The following GLRX3 variants were observed in gnomAD, a reference collection of about 807,000 sequenced individuals.
GLRX3 encodes glutaredoxin 3.
A neutral mutation model predicts 49.5 loss-of-function variants in GLRX3; 22 were observed. That is an observed-to-expected ratio of 0.44 (90% confidence interval 0.32 to 0.63). GLRX3 has a LOEUF of 0.63. Ranked by LOEUF, GLRX3 falls within the 30% of genes least tolerant of loss-of-function variation. GLRX3 has a pLI of 0.05. For synonymous variants in GLRX3, 133 were observed against 140.0 expected (o/e 0.95, Z 0.35); for missense variants, 385 against 396.3 (o/e 0.97, Z 0.24).
intron 6 of GLRX3, 135 bp downstream of exon 6, chr10:130,167,115 A>G: frequency 1.9e-6 from 1 of 514,434 alleles, no homozygotes; most frequent in Non-Finnish European, 3.4e-6. Context: ...TTGTTTAGTC[A>G]CATTAGCCAT....
At chr10:130,146,958 T>G (rs975930427) in intron 2 of GLRX3, among the ~76,000 whole-genome samples, 2 of 152,236 alleles carry the variant, frequency 1.3e-5, no homozygotes, top group Non-Finnish European at 2.9e-5. Flanking sequence ...TGTAGAAAGA[T>G]GTCCGTTGAG....
In GLRX3 at chr10:130,141,956, G is replaced by T. The variant is rs180703711; in HGVS notation, c.93-3255G>T. The stretch of plus-strand genomic sequence containing the variant: ...TTCAGTTCCAGGGCCCCAGACAACT[G>T]CAAGGAAGACTGAAAAATGTAATCT... On this transcript the variant is annotated intron_variant, in intron 1 of 10. Transcript: ENST00000331244. 1.8e-3 allele frequency among the ~76,000 whole-genome samples: 270 copies of T among 152,288 alleles called. 1 individual carries two copies. Among genetic ancestry groups the T allele is most frequent in the Admixed American group, 5.8e-3 (88 of 15,300 alleles).
At chr10:130,179,313 ATAT>A (rs757654750) in intron 10 of GLRX3, 26 bp from the exon 11 acceptor site, 34 of 1,032,668 alleles carry the variant, frequency 3.3e-5, no homozygotes, top group African/African-American at 2.4e-4. Context: ...ATGCATATAC[ATAT>A]TATTATTGTT....
chr10:130,173,064 G>A (rs1484838903), intron 8 of GLRX3, among the ~76,000 whole-genome samples: 1 of 152,218 alleles, frequency 6.6e-6, no homozygotes, highest in Non-Finnish European at 1.5e-5. Flanking sequence ...GGGCCATACA[G>A]TGGGGGCTGG....
At chr10:130,178,795 C>T (rs372723187) in intron 10 of GLRX3, among the ~76,000 whole-genome samples, 5 of 152,270 alleles carry the variant, frequency 3.3e-5, no homozygotes, top group Admixed American at 1.3e-4. Context: ...CTCCACCTCC[C>T]GGGTTCAGGA....
rs532690647 is a variant in GLRX3, at chr10:130,176,362, C to T, written c.957+1273C>T. On this transcript the variant is annotated intron_variant, in intron 10 of 10. Coordinates refer to ENST00000331244, the MANE Select transcript of GLRX3 (RefSeq NM_006541.5). ...CTTGAACTGCTGACCCCAGGTGATC[C>T]GCCCACCTTGGCCTCCCAAAGTGCT... 1.2e-3 allele frequency among the ~76,000 whole-genome samples: 176 copies of T among 152,252 alleles called. 1 individual carries two copies. The highest frequency in any genetic ancestry group is 3.8e-3 in the African/African-American group (157 of 41,550).
intron 10 of GLRX3, among the ~76,000 whole-genome samples, chr10:130,177,930 A>C (rs959460827): frequency 1.3e-5 from 2 of 152,182 alleles, no homozygotes; most frequent in African/African-American, 4.8e-5. Flanking sequence ...AATCTTATTT[A>C]TCATGTCTGT....
chr10:130,165,574 G>A (rs974556151), intron 4 of GLRX3, among the ~76,000 whole-genome samples: 2 of 152,040 alleles, frequency 1.3e-5, no homozygotes, highest in Admixed American at 6.6e-5. Context: ...AAAGAATACC[G>A]TCAATCTATT....
At chr10:130,138,197 C>G (rs1862102710) in intron 1 of GLRX3, among the ~76,000 whole-genome samples, 1 of 152,078 alleles carries the variant, frequency 6.6e-6, no homozygotes, top group Non-Finnish European at 1.5e-5. Flanking sequence ...TCTGGGACTA[C>G]ACGTGCGGTC....
chr10:130,165,274 T>C (rs911689030), intron 4 of GLRX3, among the ~76,000 whole-genome samples: 1 of 152,136 alleles, frequency 6.6e-6, no homozygotes, highest in Non-Finnish European at 1.5e-5. Flanking sequence ...GGGCCCTACA[T>C]AGTATTGGGA....
At chr10:130,153,686 G>A (rs754304222) in intron 2 of GLRX3, among the ~76,000 whole-genome samples, 1 of 152,110 alleles carries the variant, frequency 6.6e-6, no homozygotes. Flanking sequence ...TTCCAGCGGG[G>A]CACCTGTCTG....
At chr10:130,141,604 A>G (rs1199157681) in intron 1 of GLRX3, among the ~76,000 whole-genome samples, 2 of 152,312 alleles carry the variant, frequency 1.3e-5, no homozygotes, top group East Asian at 1.9e-4. Flanking sequence ...TTTTGCTCAC[A>G]TATTTTCAAG....
intron 7 of GLRX3, 64 bp downstream of exon 7, chr10:130,169,554 A>G: frequency 1.9e-6 from 2 of 1,031,586 alleles, no homozygotes; most frequent in Non-Finnish European, 3.1e-6. Flanking sequence ...CAACAAGGGG[A>G]CAGTTAAATC....
At chr10:130,173,369 T>C (rs1467855654) in intron 8 of GLRX3, among the ~76,000 whole-genome samples, 3 of 152,210 alleles carry the variant, frequency 2.0e-5, no homozygotes, top group African/African-American at 4.8e-5. Flanking sequence ...CTAAGCGTGA[T>C]TGGCCCTAGG....
intron 8 of GLRX3, among the ~76,000 whole-genome samples, chr10:130,173,770 T>C (rs1862860850): frequency 6.6e-6 from 1 of 152,194 alleles, no homozygotes; most frequent in Non-Finnish European, 1.5e-5. Context: ...CATTGGGGTC[T>C]TTTTTTGTTC....
At chr10:130,165,969 G>A (rs1057068848) in intron 4 of GLRX3, among the ~76,000 whole-genome samples, 1 of 152,190 alleles carries the variant, frequency 6.6e-6, no homozygotes, top group African/African-American at 2.4e-5. Flanking sequence ...GTGGGTGGAG[G>A]GAGCAGGTGT....
intron 6 of GLRX3, among the ~76,000 whole-genome samples, chr10:130,167,578 A>G (rs1354349090): frequency 6.6e-6 from 1 of 152,208 alleles, no homozygotes; most frequent in Non-Finnish European, 1.5e-5. Context: ...AAGGCAACTT[A>G]ATGGGATTTT....
intron 2 of GLRX3, chr10:130,159,733 AT>A: frequency 8.6e-7 from 1 of 1,161,794 alleles, no homozygotes; most frequent in Non-Finnish European, 1.1e-6. Context: ...TGCACCAAAA[AT>A]TTTATTCACA....
Position 130,174,822 on chromosome 10 carries a change from T to C in GLRX3, c.825-45T>C, listed in dbSNP as rs1352100678. 6 of 1,259,026 alleles carry C rather than the reference T, an allele frequency of 4.8e-6. No individual in the cohort carries two copies. In the East Asian group the frequency reaches 6.9e-5, roughly 15 times the overall value. The allele number at this position is 1,259,026 out of a possible 1,614,324, so 78.0% of individuals were successfully genotyped here. The stretch of plus-strand genomic sequence containing the variant: ...TCAAATGCATAGAGGTTTTACACTT[T>C]GATTTAACTGTATTTCCAGTTAAAA... On this transcript the variant is annotated intron_variant, in intron 8 of 10. Transcript: ENST00000331244.
Sources: gnomAD v4.1 joint callset for allele counts (sites outside exome capture counted in the v4.1 genomes callset) on GRCh38, gnomAD v4.1.1 for gene constraint, MANE v1.5 for transcripts, NCBI Gene and HGNC (gene_info 2026-07-23, HGNC 2026-07-21) for gene names.